Variants in CSMD1 observed in about 807,000 individuals in gnomAD.
CSMD1 encodes the protein CUB and sushi domain-containing protein 1.
In CSMD1, 213 loss-of-function variants were observed where a neutral mutation model predicts 417.5. The ratio of observed to expected loss-of-function variants is 0.51; its 90% CI spans 0.46 to 0.57. The LOEUF is 0.57. Ranked by LOEUF, CSMD1 falls within the 20% of genes least tolerant of loss-of-function variation. The pLI is 0.00. For synonymous variants in CSMD1, 2,862 were observed against 1,736.8 expected (o/e 1.65, Z -16.11); for missense variants, 6,923 against 4,529.7 (o/e 1.53, Z -15.17).
chr8:3,248,202 G>A (rs1163533045), intron 26 of CSMD1, among the ~76,000 whole-genome samples: 3 of 152,126 alleles, frequency 2.0e-5, no homozygotes, highest in Non-Finnish European at 2.9e-5. Flanking sequence ...GAAAACAGGA[G>A]AAGATTTTCA....
At chr8:4,696,190 A>G (rs1292731395) in intron 1 of CSMD1, among the ~76,000 whole-genome samples, 1 of 152,252 alleles carries the variant, frequency 6.6e-6, no homozygotes. Flanking sequence ...GTGCACATGT[A>G]TGCATATAGG....
At chr8:3,244,475 T>C (rs13266371) in intron 26 of CSMD1, among the ~76,000 whole-genome samples, 2 of 152,154 alleles carry the variant, frequency 1.3e-5, no homozygotes, top group South Asian at 2.1e-4. Context: ...AAGCAGTCTT[T>C]CCAGGAAGAA....
rs146661520 is a variant in CSMD1 at position 3,499,546 on chromosome 8, C to T, written c.1345-5820G>A. On this transcript the variant is annotated intron_variant, in intron 10 of 69. Coordinates refer to ENST00000635120, the MANE Select transcript of CSMD1 (RefSeq NM_033225.6). ...GGCAGCAGTACCCAAAAGGCCAGTC[C>T]TTGGTCTCCTGCAAGAGGCATATAT... Among the ~76,000 whole-genome samples the T allele has an allele frequency of 3.9e-5, 6 of 152,100 alleles. No homozygotes were observed. The East Asian group carries it at 1.2e-3, about 30-fold the overall frequency.
At chr8:4,675,535 G>C (rs1805625460) in intron 1 of CSMD1, among the ~76,000 whole-genome samples, 1 of 152,114 alleles carries the variant, frequency 6.6e-6, no homozygotes, top group African/African-American at 2.4e-5. Flanking sequence ...GACAAGTTCT[G>C]AGAATGGTTT....
intron 1 of CSMD1, among the ~76,000 whole-genome samples, chr8:4,971,983 C>G (rs978388041): frequency 2.0e-5 from 3 of 151,916 alleles, no homozygotes; most frequent in African/African-American, 7.2e-5. Context: ...TGTTAGTGAT[C>G]AACATTTATC....
intron 10 of CSMD1, among the ~76,000 whole-genome samples, chr8:3,537,203 G>C (rs978498581): frequency 6.6e-6 from 1 of 152,048 alleles, no homozygotes; most frequent in African/African-American, 2.4e-5. Flanking sequence ...GTTTCACCAT[G>C]TTGGCCAAGA....
chr8:3,199,823 CAG>C lies in CSMD1; in HGVS notation c.5099-16_5099-15del, dbSNP rs1458657979. 2 of 1,535,066 alleles carry C rather than the reference CAG, an allele frequency of 1.3e-6. No individual in the cohort carries two copies. The highest frequency in any genetic ancestry group is 1.4e-5 in the African/African-American group (1 of 73,048). ...GCAATGTTTCCCCTAGAAACGAAAACAGAGACAGATTCAGAAAACACACAGCA... is the reference window on the plus strand; with the variant it reads ...GCAATGTTTCCCCTAGAAACGAAAACAGACAGATTCAGAAAACACACAGCA... On this transcript the variant is annotated splice_polypyrimidine_tract_variant and intron_variant, in intron 32 of 69. Transcript: ENST00000635120.
chr8:4,328,684 A>C (rs940968610), intron 3 of CSMD1, among the ~76,000 whole-genome samples: 1 of 152,158 alleles, frequency 6.6e-6, no homozygotes, highest in Non-Finnish European at 1.5e-5. Flanking sequence ...TACATATTCA[A>C]CCTACTAGGA....
intron 1 of CSMD1, among the ~76,000 whole-genome samples, chr8:4,850,798 C>T (rs942094267): frequency 6.6e-6 from 1 of 152,020 alleles, no homozygotes; most frequent in Non-Finnish European, 1.5e-5. Flanking sequence ...TTATTTTACC[C>T]AAACTGCCCT....
chr8:3,237,375 G>A (rs1261585895), intron 26 of CSMD1, among the ~76,000 whole-genome samples: 1 of 151,640 alleles, frequency 6.6e-6, no homozygotes, highest in African/African-American at 2.4e-5. Context: ...GCTGAGGCAG[G>A]AGACTCAGGA....
intron 49 of CSMD1, among the ~76,000 whole-genome samples, chr8:3,074,055 T>C (rs1038913877): frequency 1.3e-5 from 2 of 152,248 alleles, no homozygotes; most frequent in African/African-American, 2.4e-5. Context: ...CTTTCTCACC[T>C]GGAGGCGCGG....
chr8:4,606,392 A>G (rs73188706), intron 2 of CSMD1, among the ~76,000 whole-genome samples: 12,533 of 151,488 alleles, frequency 0.083, 678 homozygotes, highest in South Asian at 0.17. Context: ...GCCAGAGGTG[A>G]GGCTTCTTGC....
intron 1 of CSMD1, among the ~76,000 whole-genome samples, chr8:4,770,898 A>G (rs954776118): frequency 3.3e-5 from 5 of 152,196 alleles, no homozygotes; most frequent in Non-Finnish European, 7.3e-5. Flanking sequence ...GGCCTTGACG[A>G]TGATTTCCCA....
chr8:4,542,021 A>C (rs915354352), intron 2 of CSMD1, among the ~76,000 whole-genome samples: 7 of 152,102 alleles, frequency 4.6e-5, no homozygotes, highest in African/African-American at 1.4e-4. Context: ...TTGCCAATTG[A>C]AGCAAATGTG....
intron 10 of CSMD1, among the ~76,000 whole-genome samples, chr8:3,500,650 T>A (rs1441730695): frequency 6.6e-6 from 1 of 151,968 alleles, no homozygotes; most frequent in Non-Finnish European, 1.5e-5. Flanking sequence ...AAACTAAAGA[T>A]CTTAAGGAGG....
chr8:3,495,085 A>C (rs1796310338), intron 10 of CSMD1, among the ~76,000 whole-genome samples: 1 of 152,224 alleles, frequency 6.6e-6, no homozygotes. Flanking sequence ...TTCAAATTGC[A>C]GTATTTGTAT....
chr8:3,361,187 A>G (rs185748239), intron 20 of CSMD1, among the ~76,000 whole-genome samples: 6 of 152,342 alleles, frequency 3.9e-5, no homozygotes, highest in Admixed American at 3.3e-4. Context: ...ACAACCTATC[A>G]TACGTTTACT....
At chr8:3,663,719 C>G (rs1798539301) in intron 7 of CSMD1, among the ~76,000 whole-genome samples, 1 of 152,178 alleles carries the variant, frequency 6.6e-6, no homozygotes, top group Non-Finnish European at 1.5e-5. Flanking sequence ...TTCTGCCCGC[C>G]TTTGCTTTGA....
At chr8:4,507,950 G>T (rs1037412962) in intron 2 of CSMD1, among the ~76,000 whole-genome samples, 9 of 151,920 alleles carry the variant, frequency 5.9e-5, no homozygotes, top group Admixed American at 6.6e-5. Context: ...CAGCAGGAGG[G>T]GACCCTCATA....
Sources: allele counts gnomAD v4.1 joint callset (sites outside exome capture counted in the v4.1 genomes callset), GRCh38; gene constraint gnomAD v4.1.1; transcripts MANE v1.5; gene names NCBI Gene and HGNC (gene_info 2026-07-23, HGNC 2026-07-21).